Variants in NRG2 observed in about 807,000 individuals in gnomAD.
The protein encoded by NRG2 is neuregulin 2.
Under a neutral mutation model 73.9 loss-of-function variants are expected in NRG2, and 27 were observed. That is an observed-to-expected ratio of 0.37 (90% confidence interval 0.27 to 0.50). The LOEUF is 0.50. Among genes scored for constraint, NRG2 ranks in the 20% least tolerant of loss-of-function variants. NRG2 has a pLI of 0.96. For synonymous variants in NRG2, 532 were observed against 541.0 expected, an observed-to-expected ratio of 0.98 and a Z score of 0.23; for missense variants, 1,126 against 1,210.1, an observed-to-expected ratio of 0.93 and a Z score of 1.03.
intron 1 of NRG2, among the ~76,000 whole-genome samples, chr5:139,992,331 A>G (rs1757698992): frequency 6.6e-6 from 1 of 152,228 alleles, no homozygotes; most frequent in African/African-American, 2.4e-5. Context: ...TATTCATCTT[A>G]TATCAAGCTA....
chr5:140,029,454 T>G (rs1760957984), intron 1 of NRG2, among the ~76,000 whole-genome samples: 1 of 152,152 alleles, frequency 6.6e-6, no homozygotes, highest in South Asian at 2.1e-4. Flanking sequence ...CACAATGCTA[T>G]AAGGTAGGTA....
chr5:139,956,125 G>A (rs1754607393), intron 1 of NRG2, among the ~76,000 whole-genome samples: 1 of 152,120 alleles, frequency 6.6e-6, no homozygotes, highest in Non-Finnish European at 1.5e-5. Context: ...ACAAATGTGT[G>A]CCTCAGGTCA....
rs553657234 is a variant in NRG2, at chr5:140,022,078, A to G, written c.700+20292T>C. 8.5e-4 allele frequency among the ~76,000 whole-genome samples: 129 copies of G among 152,254 alleles called. 2 individuals carry two copies. The highest frequency in any genetic ancestry group is 1.9e-4 in the Non-Finnish European group (13 of 68,002). On this transcript the variant is annotated intron_variant, in intron 1 of 9. Transcript: ENST00000361474. ...TTACTGCTTCTCCAACTCATACTTT[A>G]TGCTGCAGCCTAACTAGAACCACCT...
At chr5:139,883,778 C>G (rs2127115942) in intron 2 of NRG2, among the ~76,000 whole-genome samples, 1 of 152,316 alleles carries the variant, frequency 6.6e-6, no homozygotes, top group Middle Eastern at 3.4e-3. Context: ...TGGCCCACTC[C>G]TCCACCACTG....
chr5:140,042,306 C>A, intron 1 of NRG2, 64 bp downstream of exon 1: 1 of 1,318,934 alleles, frequency 7.6e-7, no homozygotes, highest in East Asian at 2.8e-5. Flanking sequence ...CTCCCCGCCC[C>A]ACCCCCATTC....
In NRG2 at chr5:139,915,042, A is replaced by G. The variant is rs1323449715; in HGVS notation, c.701-27531T>C. Reference sequence around the variant, plus strand: ...AAGGTTGCGATCCCTGCACTCCCATACATGGCCCCAGGGTGTGGCTCCAGT... The same window carrying G: ...AAGGTTGCGATCCCTGCACTCCCATGCATGGCCCCAGGGTGTGGCTCCAGT... On this transcript the variant is annotated intron_variant, in intron 1 of 9. Transcript: ENST00000361474. The surrounding 1 kb of genome is among the most constrained non-coding windows in gnomAD (Gnocchi z 4.0). Among the ~76,000 whole-genome samples, 1 of 152,278 alleles carries G rather than the reference A, an allele frequency of 6.6e-6. No individual in the cohort carries two copies. Among genetic ancestry groups the G allele is most frequent in the East Asian group, 1.9e-4 (1 of 5,182 alleles).
chr5:139,985,838 G>A (rs1312398254), intron 1 of NRG2, among the ~76,000 whole-genome samples: 1 of 152,060 alleles, frequency 6.6e-6, no homozygotes, highest in Non-Finnish European at 1.5e-5. Context: ...TCTCTGAGAG[G>A]TGACTCAGGG....
At chr5:139,965,771 A>G (rs141264788) in intron 1 of NRG2, among the ~76,000 whole-genome samples, 1 of 152,332 alleles carries the variant, frequency 6.6e-6, no homozygotes, top group Non-Finnish European at 1.5e-5. Flanking sequence ...AGGAGTGCTC[A>G]CTAGTACAAC....
At chr5:139,920,456 GAGA>G (rs1281456813) in intron 1 of NRG2, among the ~76,000 whole-genome samples, 7 of 152,128 alleles carry the variant, frequency 4.6e-5, no homozygotes, top group African/African-American at 1.4e-4. Flanking sequence ...CATAGGGTCA[GAGA>G]AGACTTCCCA....
Position 139,924,193 on chromosome 5 carries a change from G to A in NRG2, c.701-36682C>T, listed in dbSNP as rs527291733. Among the ~76,000 whole-genome samples, 9 of 152,300 alleles carry A rather than the reference G, an allele frequency of 5.9e-5. No individual in the cohort carries two copies. The South Asian group carries it at 1.7e-3, about 28-fold the overall frequency. Reference sequence around the variant, plus strand: ...TTTGAGGGGCCCATGATCCTAGATGGGGGAGAGCCCCTGGCTGTCTGGGCT... The same window carrying A: ...TTTGAGGGGCCCATGATCCTAGATGAGGGAGAGCCCCTGGCTGTCTGGGCT... On this transcript the variant is annotated intron_variant, in intron 1 of 9. Coordinates refer to ENST00000361474, the MANE Select transcript of NRG2 (RefSeq NM_004883.3).
At chr5:139,951,418 G>A (rs1340887762) in intron 1 of NRG2, among the ~76,000 whole-genome samples, 4 of 152,192 alleles carry the variant, frequency 2.6e-5, no homozygotes, top group African/African-American at 7.2e-5. Context: ...ATCACAGCCA[G>A]GCTGGAGGGT....
At chr5:140,029,704 G>T (rs1178737132) in intron 1 of NRG2, among the ~76,000 whole-genome samples, 1 of 102,620 alleles carries the variant, frequency 9.7e-6, no homozygotes, top group Admixed American at 1.0e-4. Context: ...AAAAAAAAAA[G>T]CTCCAGCGTG....
chr5:139,905,859 T>G (rs1211091995), intron 1 of NRG2, among the ~76,000 whole-genome samples: 2 of 152,048 alleles, frequency 1.3e-5, no homozygotes, highest in Non-Finnish European at 2.9e-5. Flanking sequence ...CTCTTCAGTT[T>G]CCAAAATGGC....
intron 1 of NRG2, among the ~76,000 whole-genome samples, chr5:139,977,449 A>ATGT (rs1403401584): frequency 6.6e-6 from 1 of 152,214 alleles, no homozygotes; most frequent in African/African-American, 2.4e-5. Flanking sequence ...AGGTATCAGT[A>ATGT]GACAATGGGA....
Position 139,848,399 on chromosome 5 carries a change from A to C in NRG2, c.2071T>G (p.Cys691Gly), listed in dbSNP as rs1299468245. The part of the protein sequence containing the change: ...AAGPGPRRGT[C>G]ALGGSLGSLP... ...CTGCCCAGGCTGCCGCCGAGCGCGC[A>C]GGTCCCGCGCCGCGGTCCGGGCCCC... Residue 691 changes from cysteine (C) to glycine (G), a missense_variant, in exon 10 of 10, where the codon TGC becomes GGC. Physicochemically the swap from Cys to Gly is radical, Grantham distance 159. This residue lies in a region of NRG2 where 402 missense variants were observed against 357.8 expected (regional missense o/e 1.12). Transcript: ENST00000361474. The C allele has an allele frequency of 1.7e-5, 21 of 1,258,680 alleles. No homozygotes were observed. Among genetic ancestry groups the C allele is most frequent in the Non-Finnish European group, 2.0e-5 (20 of 1,009,002 alleles). 78.0% of individuals were successfully genotyped at this position (1,258,680 alleles called of 1,614,324 possible).
At chr5:139,882,758 C>G (rs186460171) in intron 2 of NRG2, among the ~76,000 whole-genome samples, 4 of 152,040 alleles carry the variant, frequency 2.6e-5, no homozygotes, top group African/African-American at 9.7e-5. Flanking sequence ...TCCTTGTCAC[C>G]CCCCTGGAAT....
rs1561694697 is a variant in NRG2, at chr5:139,939,248, C to CT, written c.701-51738dup. ...CCTTCCTTCCTTCCTTCCTTCCTTTCTTTCTTTCTTTCTTTTTCTTTCTTT... is the reference window on the plus strand; with the variant it reads ...CCTTCCTTCCTTCCTTCCTTCCTTTCTTTTCTTTCTTTCTTTTTCTTTCTTT... On this transcript the variant is annotated intron_variant, in intron 1 of 9. Transcript: ENST00000361474. Among the ~76,000 whole-genome samples, 127 of 137,754 alleles carry CT rather than the reference C, an allele frequency of 9.2e-4. 1 individual carries two copies. Among genetic ancestry groups the CT allele is most frequent in the African/African-American group, 3.8e-3 (125 of 32,910 alleles). 90.4% of individuals were successfully genotyped at this position (137,754 alleles called of 152,430 possible). A position where few individuals can be genotyped will look rare whatever the true frequency, so the allele number is the denominator to read the frequency against.
chr5:139,951,221 C>T (rs906014892), intron 1 of NRG2, among the ~76,000 whole-genome samples: 1 of 152,220 alleles, frequency 6.6e-6, no homozygotes, highest in African/African-American at 2.4e-5. Flanking sequence ...TTCTGTGCTT[C>T]AGTTTCATCT....
chr5:139,852,604 A>G lies in NRG2; in HGVS notation c.1417-45T>C. On this transcript the variant is annotated intron_variant, in intron 7 of 9. Coordinates refer to ENST00000361474, the MANE Select transcript of NRG2 (RefSeq NM_004883.3). The surrounding 1 kb of genome is among the most constrained non-coding windows in gnomAD (Gnocchi z 4.4). Reference sequence around the variant, plus strand: ...GCGAGAGTTAGTGACTGGGGCCCAAATGAACTCTTTCTTGTTGGGGACAGG... The same window carrying G: ...GCGAGAGTTAGTGACTGGGGCCCAAGTGAACTCTTTCTTGTTGGGGACAGG... 6.3e-7 allele frequency: 1 copy of G among 1,599,652 alleles called. No homozygotes were observed.
Sources: gnomAD v4.1 joint callset for allele counts (sites outside exome capture counted in the v4.1 genomes callset) on GRCh38, gnomAD v4.1.1 for gene constraint, gnomAD v4.1.1 regional missense constraint, Gnocchi (gnomAD v3.1) non-coding constraint, MANE v1.5 for transcripts, NCBI Gene and HGNC (gene_info 2026-07-23, HGNC 2026-07-21) for gene names.